UNC13A: variants seen among roughly 807,000 people sequenced by gnomAD.
UNC13A encodes the protein unc-13 homolog A, also known as protein unc-13 homolog A.
A neutral mutation model predicts 219.7 loss-of-function variants in UNC13A; 61 were observed. That is an observed-to-expected ratio of 0.28 (90% CI 0.23 to 0.34). The LOEUF (loss-of-function observed/expected upper bound fraction) is 0.34. Among genes scored for constraint, UNC13A ranks in the 10% least tolerant of loss-of-function variants. UNC13A has a pLI of 1.00. For missense variants in UNC13A, 1,476 were observed against 2,270.3 expected (o/e 0.65, Z 7.11); for synonymous variants, 920 against 884.6 (o/e 1.04, Z -0.71).
At position 17,676,373 on chromosome 19, in the gene UNC13A, C is replaced by T. The variant is rs956803161; in HGVS notation, c.23-332G>A. 2.0e-5 allele frequency among the ~76,000 whole-genome samples: 3 copies of T among 152,114 alleles called. No homozygotes were observed. In the South Asian group the frequency reaches 6.2e-4, roughly 32 times the overall value. On this transcript the variant is annotated intron_variant, in intron 1 of 43. Transcript: ENST00000519716. ...AGAGCATTCCCTGCCCCTCCCTCTC[C>T]CTGCATCCCCTGTCCCCATCAAACT... is the stretch of plus-strand genomic sequence containing the variant.
At chr19:17,667,467 T>C (rs1248462295) in intron 6 of UNC13A, among the ~76,000 whole-genome samples, 3 of 152,038 alleles carry the variant, frequency 2.0e-5, no homozygotes, top group African/African-American at 7.2e-5. Context: ...TTTTATTTTA[T>C]TATTATTATC....
At chr19:17,611,387 T>C (rs970659897) in intron 42 of UNC13A, among the ~76,000 whole-genome samples, 2 of 152,188 alleles carry the variant, frequency 1.3e-5, no homozygotes, top group African/African-American at 4.8e-5. Flanking sequence ...TTTCACCATG[T>C]TGGCCAGGCT....
intron 42 of UNC13A, among the ~76,000 whole-genome samples, chr19:17,611,095 A>G (rs984566199): frequency 2.0e-5 from 3 of 152,364 alleles, no homozygotes; most frequent in African/African-American, 7.2e-5. Context: ...AGATGGCAGC[A>G]GCACAGATCA....
chr19:17,624,609 C>G (rs768219179), intron 35 of UNC13A, among the ~76,000 whole-genome samples: 2 of 152,154 alleles, frequency 1.3e-5, no homozygotes, highest in African/African-American at 4.8e-5. Context: ...CTCTTTAACT[C>G]TTCGATGATC....
chr19:17,688,106 G>A (rs2080149634), intron 1 of UNC13A, 72 bp downstream of exon 1: 1 of 1,497,298 alleles, frequency 6.7e-7, no homozygotes, highest in Non-Finnish European at 8.9e-7. Flanking sequence ...CCCCCTGGGA[G>A]CCGCATCCAC....
In UNC13A at chr19:17,613,519, T is replaced by C. The variant is rs1022149184; in HGVS notation, c.4559-1664A>G. Among the ~76,000 whole-genome samples the C allele has an allele frequency of 2.6e-5, 4 of 152,076 alleles. No individual in the cohort carries two copies. The East Asian group carries it at 7.7e-4, about 29-fold the overall frequency. On this transcript the variant is annotated intron_variant, in intron 41 of 43. Transcript: ENST00000519716. ...CCCTTCCAATAGTGGCCCTTTCCAA[T>C]AGGTTACTATTACCTCTCCCCACTC... is the stretch of plus-strand genomic sequence containing the variant.
Position 17,649,036 on chromosome 19 carries a change from C to G in UNC13A, c.1525-53G>C, listed in dbSNP as rs73526091. On this transcript the variant is annotated intron_variant, in intron 14 of 43. Coordinates refer to ENST00000519716, the MANE Select transcript of UNC13A (RefSeq NM_001080421.3). The surrounding 1 kb of genome is among the most constrained non-coding windows in gnomAD (Gnocchi z 4.4). ...GGGGGGTTGACATCCATGAGATCAC[C>G]ACCAGGAGAGTTCACAGCCACGGAT... The G allele has an allele frequency of 6.4e-3, 9,759 of 1,528,062 alleles. 523 individuals are homozygous for G. In the African/African-American group the frequency reaches 0.12, roughly 18 times the overall value. The allele number at this position is 1,528,062 out of a possible 1,614,324, so 94.7% of individuals were successfully genotyped here.
At chr19:17,626,337 C>T in intron 34 of UNC13A, 2 of 325,054 alleles carry the variant, frequency 6.2e-6, no homozygotes, top group Non-Finnish European at 1.1e-5. Flanking sequence ...ATCTATCCTC[C>T]CTCTATCCTT....
In UNC13A at chr19:17,627,232, T is replaced by C. The variant is rs946377016; in HGVS notation, c.3920+277A>G. On this transcript the variant is annotated intron_variant, in intron 33 of 43. Coordinates refer to ENST00000519716, the MANE Select transcript of UNC13A (RefSeq NM_001080421.3). The surrounding 1 kb of genome is among the most constrained non-coding windows in gnomAD (Gnocchi z 4.7). ...CAAAGGGATAAGACATTTGCCCGCA[T>C]TGTTCATTTCATTCTCAAAATCCTA... Among the ~76,000 whole-genome samples, 8 of 152,062 alleles carry C rather than the reference T, an allele frequency of 5.3e-5. No individual in the cohort carries two copies. The highest frequency in any genetic ancestry group is 1.7e-4 in the African/African-American group (7 of 41,386).
In UNC13A at chr19:17,676,051, GAGAC is replaced by G; in HGVS notation, c.23-14_23-11del. The G allele has an allele frequency of 6.4e-7, 1 of 1,551,790 alleles. No homozygotes were observed. Among genetic ancestry groups the G allele is most frequent in the South Asian group, 1.2e-5 (1 of 84,062 alleles). ...AACTTGGCTTTTTTGACTGTGGAGA[GAGAC>G]AGAGATAGGGAAGGGAGGTGGGGAG... On this transcript the variant is annotated splice_polypyrimidine_tract_variant and intron_variant, in intron 1 of 43. Coordinates refer to ENST00000519716, the MANE Select transcript of UNC13A (RefSeq NM_001080421.3).
Position 17,602,079 on chromosome 19 carries a change from G to A in UNC13A, c.*3975C>T, listed in dbSNP as rs1214883529. ...CCAAGGATTTCTAGTTGGGTGTTTA[G>A]TTTTTTGCATCTCTGATGGGGGCAT... On this transcript the variant is annotated 3_prime_UTR_variant, in exon 44 of 44. Transcript: ENST00000519716. 1.3e-5 allele frequency: 2 copies of A among 152,520 alleles called. No individual in the cohort carries two copies. The highest frequency in any genetic ancestry group is 2.9e-5 in the Non-Finnish European group (2 of 68,058). The allele number at this position is 152,520 out of a possible 1,614,324, so 9.4% of individuals were successfully genotyped here.
chr19:17,668,076 G>A (rs756160631), intron 6 of UNC13A, 41 bp downstream of exon 6: 1 of 1,596,040 alleles, frequency 6.3e-7, no homozygotes, highest in Non-Finnish European at 8.6e-7. Context: ...GACAGAGACA[G>A]AAACAAGGAA....
At chr19:17,633,246 G>A in intron 26 of UNC13A, 53 bp from the exon 27 acceptor site, 2 of 1,550,030 alleles carry the variant, frequency 1.3e-6, no homozygotes, top group Non-Finnish European at 1.8e-6. Context: ...CAGATGGGAT[G>A]GGCTGCTTTG....
intron 38 of UNC13A, among the ~76,000 whole-genome samples, chr19:17,620,098 G>T (rs1351582666): frequency 6.6e-6 from 1 of 152,144 alleles, no homozygotes; most frequent in Non-Finnish European, 1.5e-5. Flanking sequence ...CTGCTGGATG[G>T]CCCCAGGCTT....
chr19:17,625,484 C>G (rs2144980851), intron 34 of UNC13A, among the ~76,000 whole-genome samples: 1 of 152,200 alleles, frequency 6.6e-6, no homozygotes, highest in East Asian at 1.9e-4. Flanking sequence ...ACCCACCAAT[C>G]CATCCCTCCC....
Position 17,645,853 on chromosome 19 carries a change from G to A in UNC13A, c.2187-10C>T. Reference sequence around the variant, plus strand: ...GGAATTGTGACATTCACTGTGGCGGGAGGAGGAGGCAGAGGCAGGGGTCAG... The same window carrying A: ...GGAATTGTGACATTCACTGTGGCGGAAGGAGGAGGCAGAGGCAGGGGTCAG... On this transcript the variant is annotated splice_polypyrimidine_tract_variant and intron_variant, in intron 18 of 43. Coordinates refer to ENST00000519716, the MANE Select transcript of UNC13A (RefSeq NM_001080421.3). The A allele has an allele frequency of 6.2e-7, 1 of 1,600,256 alleles. No homozygotes were observed. Among genetic ancestry groups the A allele is most frequent in the South Asian group, 1.1e-5 (1 of 89,282 alleles).
Position 17,655,866 on chromosome 19 carries a change from T to C in UNC13A, c.1283+17A>G, listed in dbSNP as rs2079440135. 8.0e-6 allele frequency: 12 copies of C among 1,505,980 alleles called. No homozygotes were observed. The highest frequency in any genetic ancestry group is 9.7e-6 in the Non-Finnish European group (11 of 1,132,588). The allele number at this position is 1,505,980 out of a possible 1,614,324, so 93.3% of individuals were successfully genotyped here. Reference sequence around the variant, plus strand: ...CCTTGTGGCAGCCCCTCTGGCCCCTTGGCCCCGTCCTGTTACCTCTCCTCG... The same window carrying C: ...CCTTGTGGCAGCCCCTCTGGCCCCTCGGCCCCGTCCTGTTACCTCTCCTCG... On this transcript the variant is annotated intron_variant, in intron 10 of 43. Transcript: ENST00000519716.
chr19:17,688,321 C>A lies in UNC13A; in HGVS notation c.-122G>T. The A allele has an allele frequency of 7.6e-7, 1 of 1,322,646 alleles. No individual in the cohort carries two copies. The highest frequency in any genetic ancestry group is 4.2e-5 in the Admixed American group (1 of 23,714). The allele number at this position is 1,322,646 out of a possible 1,614,324, so 81.9% of individuals were successfully genotyped here. On this transcript the variant is annotated 5_prime_UTR_variant, in exon 1 of 44. Coordinates refer to ENST00000519716, the MANE Select transcript of UNC13A (RefSeq NM_001080421.3). ...GCGCTTGGCTCACGCCGGGGCCCGG[C>A]CGCCACCGGCCATCTTGGTTCAGCA...
chr19:17,646,339 C>T (rs1460785677), intron 17 of UNC13A, among the ~76,000 whole-genome samples: 6 of 152,156 alleles, frequency 3.9e-5, no homozygotes, highest in South Asian at 2.1e-4. Flanking sequence ...GTGCAACCTC[C>T]GCCTCCCGGG....
Sources: gnomAD v4.1 joint callset for allele counts (sites outside exome capture counted in the v4.1 genomes callset) on GRCh38, gnomAD v4.1.1 for gene constraint, Gnocchi (gnomAD v3.1) non-coding constraint, MANE v1.5 for transcripts, NCBI Gene and HGNC (gene_info 2026-07-23, HGNC 2026-07-21) for gene names.